Variants in EIF4G3 observed in about 807,000 individuals in gnomAD.
EIF4G3 encodes eukaryotic translation initiation factor 4 gamma 3, also known as eIF-4-gamma 3.
A neutral mutation model predicts 186.4 loss-of-function variants in EIF4G3; 34 were observed. The observed-to-expected ratio is 0.18, with a 90% CI of 0.14 to 0.24. The LOEUF is 0.24. Ranked by LOEUF, EIF4G3 falls within the 10% of genes least tolerant of loss-of-function variation. The pLI, the probability that EIF4G3 is intolerant of heterozygous loss-of-function variation, is 1.00. For synonymous variants in EIF4G3, 673 were observed against 679.5 expected (o/e 0.99, Z 0.15); for missense variants, 1,536 against 1,948.5 (o/e 0.79, Z 3.99).
At chr1:20,968,331 G>A (rs568181966) in intron 12 of EIF4G3, among the ~76,000 whole-genome samples, 31 of 151,956 alleles carry the variant, frequency 2.0e-4, no homozygotes, top group Admixed American at 8.5e-4. Flanking sequence ...AGGCATGTGC[G>A]ACCACGCCCA....
At chr1:20,848,057 C>T (rs1209864933) in intron 29 of EIF4G3, 4 of 325,054 alleles carry the variant, frequency 1.2e-5, no homozygotes, top group African/African-American at 4.6e-5. Flanking sequence ...CCTCTGCCTC[C>T]CGGGCTTCAA....
intron 2 of EIF4G3, among the ~76,000 whole-genome samples, chr1:21,092,647 T>C (rs938333206): frequency 6.6e-6 from 1 of 152,040 alleles, no homozygotes; most frequent in Non-Finnish European, 1.5e-5. Flanking sequence ...GCCAATACAA[T>C]CCTAAGCCAG....
In EIF4G3 at chr1:20,895,459, T is replaced by C; in HGVS notation, c.2042A>G (p.Asp681Gly). The change falls in exon 17 of 37, where the codon GAC becomes GGC. Residue 681 changes from aspartate (D) to glycine (G), a missense_variant. By Grantham distance (94) the Asp-to-Gly change is moderately conservative. Transcript: ENST00000602326. ...PTDTEGKKQY[D>G]REFLLDFQFM... ...CTGGAAGTCCAGCAGAAACTCCCTG[T>C]CATACTGCTTCTTACCTTCAGTATC... is the stretch of plus-strand genomic sequence containing the variant. 6.2e-7 allele frequency: 1 copy of C among 1,614,082 alleles called. No homozygotes were observed.
At chr1:21,151,388 G>A (rs1455222532) in intron 2 of EIF4G3, among the ~76,000 whole-genome samples, 3 of 151,366 alleles carry the variant, frequency 2.0e-5, no homozygotes, top group Non-Finnish European at 4.4e-5. Flanking sequence ...ACAGGCGCCC[G>A]CCACCACACC....
chr1:20,925,612 C>T (rs2094830014), intron 14 of EIF4G3, among the ~76,000 whole-genome samples: 1 of 152,174 alleles, frequency 6.6e-6, no homozygotes, highest in Admixed American at 6.5e-5. Context: ...TACCTCACTG[C>T]AGCCTCGAAC....
intron 2 of EIF4G3, among the ~76,000 whole-genome samples, chr1:21,146,868 G>C (rs565260243): frequency 6.6e-6 from 1 of 152,270 alleles, no homozygotes; most frequent in South Asian, 2.1e-4. Context: ...ACACAAGAAA[G>C]TCTATAAAAT....
intron 27 of EIF4G3, among the ~76,000 whole-genome samples, chr1:20,852,254 G>A (rs969513810): frequency 4.6e-5 from 7 of 151,984 alleles, no homozygotes; most frequent in South Asian, 2.1e-4. Flanking sequence ...TGCCCACCTC[G>A]GCCTCCCAAA....
intron 2 of EIF4G3, among the ~76,000 whole-genome samples, chr1:21,171,329 T>G (rs1360256704): frequency 6.6e-6 from 1 of 152,200 alleles, no homozygotes; most frequent in African/African-American, 2.4e-5. Flanking sequence ...TTCCAGAACT[T>G]ACTTTCCCTC....
intron 11 of EIF4G3, among the ~76,000 whole-genome samples, chr1:20,970,720 T>G (rs983156253): frequency 6.6e-6 from 1 of 152,080 alleles, no homozygotes; most frequent in African/African-American, 2.4e-5. Flanking sequence ...TCCCACCACT[T>G]TGGGAGGCTG....
At chr1:20,988,214 C>A (rs778286119) in intron 7 of EIF4G3, 3 of 168,174 alleles carry the variant, frequency 1.8e-5, no homozygotes, top group Admixed American at 6.5e-5. Context: ...CAAGGTGAAG[C>A]AGCAAGTACT....
At chr1:20,946,097 C>G (rs560032573) in intron 13 of EIF4G3, among the ~76,000 whole-genome samples, 1 of 152,264 alleles carries the variant, frequency 6.6e-6, no homozygotes, top group South Asian at 2.1e-4. Context: ...ATGCTATTGT[C>G]ATTTAATAAG....
At chr1:21,027,204 T>C (rs1003284143) in intron 4 of EIF4G3, among the ~76,000 whole-genome samples, 8 of 149,814 alleles carry the variant, frequency 5.3e-5, no homozygotes, top group Admixed American at 3.3e-4. Flanking sequence ...TTTTTTTTTT[T>C]TTTTTTGAGA....
rs770913774 is a variant in EIF4G3 at position 20,851,245 on chromosome 1, C to T, written c.3772+13G>A. On this transcript the variant is annotated intron_variant, in intron 28 of 36. Transcript: ENST00000602326. ...AAACCCAAATCTGCATCTGTTTAAG[C>T]CAAGTCTCTCACCTGACTCCCTTGT... 3.1e-6 allele frequency: 5 copies of T among 1,613,368 alleles called. No individual in the cohort carries two copies. The highest frequency in any genetic ancestry group is 4.2e-6 in the Non-Finnish European group (5 of 1,179,558).
chr1:20,929,737 G>A (rs1030521134), intron 14 of EIF4G3: 2 of 152,060 alleles, frequency 1.3e-5, no homozygotes, highest in African/African-American at 4.8e-5. Context: ...TTCTAGATGA[G>A]AAACAGACTC....
At chr1:20,912,052 C>G (rs2093308949) in intron 14 of EIF4G3, among the ~76,000 whole-genome samples, 1 of 152,040 alleles carries the variant, frequency 6.6e-6, no homozygotes, top group Admixed American at 6.5e-5. Flanking sequence ...AAGATTGGAG[C>G]ACTGCTTGAG....
chr1:21,117,109 C>A (rs2096838409), intron 2 of EIF4G3, among the ~76,000 whole-genome samples: 1 of 152,098 alleles, frequency 6.6e-6, no homozygotes, highest in Non-Finnish European at 1.5e-5. Flanking sequence ...AACTTCTATA[C>A]AAGAAAGGTG....
chr1:21,045,548 TG>T (rs913234245), intron 4 of EIF4G3, among the ~76,000 whole-genome samples: 4 of 152,194 alleles, frequency 2.6e-5, no homozygotes, highest in African/African-American at 9.7e-5. Context: ...ATTTTGAGCA[TG>T]TCTTCTCACT....
chr1:21,053,654 C>T (rs1436792298), intron 3 of EIF4G3, among the ~76,000 whole-genome samples: 2 of 143,130 alleles, frequency 1.4e-5, no homozygotes, highest in African/African-American at 2.5e-5. Context: ...CGCCTCTGCC[C>T]GGCCGCCCCT....
At chr1:20,808,303 G>C (rs1370772965) in intron 36 of EIF4G3, among the ~76,000 whole-genome samples, 1 of 152,134 alleles carries the variant, frequency 6.6e-6, no homozygotes, top group Non-Finnish European at 1.5e-5. Flanking sequence ...TTTCTGCGCT[G>C]CAAGTTTACT....
Sources: gnomAD v4.1 joint callset for allele counts (sites outside exome capture counted in the v4.1 genomes callset) on GRCh38, gnomAD v4.1.1 for gene constraint, MANE v1.5 for transcripts, NCBI Gene and HGNC (gene_info 2026-07-23, HGNC 2026-07-21) for gene names.